Variants in CTNNA3 observed in about 807,000 individuals in gnomAD.
The protein encoded by CTNNA3 is catenin alpha-3.
CTNNA3 carries 76 observed loss-of-function variants against 95.7 expected under a neutral mutation model. The ratio of observed to expected loss-of-function variants is 0.79; its 90% CI spans 0.66 to 0.96. The LOEUF (loss-of-function observed/expected upper bound fraction) is 0.96. Ranked by LOEUF, CTNNA3 falls within the 40% of genes least tolerant of loss-of-function variation. CTNNA3 has a pLI of 0.00. For synonymous variants in CTNNA3, 431 were observed against 374.4 expected (o/e 1.15, Z -1.74); for missense variants, 1,191 against 1,089.8 (o/e 1.09, Z -1.31).
chr10:67,404,217 T>C (rs1295607401), intron 5 of CTNNA3, among the ~76,000 whole-genome samples: 1 of 151,944 alleles, frequency 6.6e-6, no homozygotes, highest in Non-Finnish European at 1.5e-5. Flanking sequence ...GCTGAGATGA[T>C]AGAAATAGGA....
chr10:66,738,629 C>A (rs1278739090), intron 9 of CTNNA3, among the ~76,000 whole-genome samples: 2 of 152,126 alleles, frequency 1.3e-5, no homozygotes, highest in African/African-American at 4.8e-5. Context: ...TCGATTTGAA[C>A]AAGGGGATCT....
chr10:65,950,770 C>T (rs2077596596), intron 17 of CTNNA3, among the ~76,000 whole-genome samples: 1 of 152,142 alleles, frequency 6.6e-6, no homozygotes, highest in African/African-American at 2.4e-5. Context: ...AACTATTTGA[C>T]ATATGAATAA....
intron 7 of CTNNA3, among the ~76,000 whole-genome samples, chr10:66,856,134 G>A (rs1015095881): frequency 6.6e-6 from 1 of 151,814 alleles, no homozygotes; most frequent in African/African-American, 2.4e-5. Context: ...CCGTATGTCT[G>A]TAATGTTTAG....
intron 1 of CTNNA3, chr10:67,750,678 C>T (rs1419367730): frequency 1.4e-5 from 21 of 1,547,190 alleles, no homozygotes; most frequent in South Asian, 7.8e-5. Flanking sequence ...GTAATATGAT[C>T]GGTGGAAAAG....
At chr10:66,459,376 A>G (rs2093513880) in intron 11 of CTNNA3, among the ~76,000 whole-genome samples, 1 of 152,116 alleles carries the variant, frequency 6.6e-6, no homozygotes, top group Non-Finnish European at 1.5e-5. Context: ...CGGGTCAGCA[A>G]TCCTAACCCC....
intron 10 of CTNNA3, among the ~76,000 whole-genome samples, chr10:66,582,947 C>T (rs1475503864): frequency 2.6e-5 from 4 of 151,556 alleles, no homozygotes; most frequent in Non-Finnish European, 4.4e-5. Context: ...CATTTATTCC[C>T]TTGAATTTGT....
chr10:67,614,874 T>C (rs545189376), intron 2 of CTNNA3, among the ~76,000 whole-genome samples: 1 of 152,328 alleles, frequency 6.6e-6, no homozygotes, highest in Non-Finnish European at 1.5e-5. Context: ...GGCTATCAGA[T>C]GGCTGTCCTC....
intron 13 of CTNNA3, among the ~76,000 whole-genome samples, chr10:66,139,201 TA>T (rs1196410016): frequency 6.6e-6 from 1 of 152,198 alleles, no homozygotes; most frequent in African/African-American, 2.4e-5. Context: ...AGGCGAGAAA[TA>T]AAACTATATT....
intron 13 of CTNNA3, among the ~76,000 whole-genome samples, chr10:66,106,552 C>T (rs1249430195): frequency 1.3e-5 from 2 of 151,950 alleles, no homozygotes; most frequent in Non-Finnish European, 2.9e-5. Context: ...GAATAAAATT[C>T]GGATAATAAT....
rs543605609 is a variant in CTNNA3 at position 66,610,645 on chromosome 10, T to G, written c.1374+11047A>C. ...ACAAAAAATAACACTAGCAAGGATGTGGAGAAAGGGGAATGCTCATACATT... is the reference window on the plus strand; with the variant it reads ...ACAAAAAATAACACTAGCAAGGATGGGGAGAAAGGGGAATGCTCATACATT... On this transcript the variant is annotated intron_variant, in intron 10 of 17. Coordinates refer to ENST00000433211, the MANE Select transcript of CTNNA3 (RefSeq NM_013266.4). Among the ~76,000 whole-genome samples the G allele has an allele frequency of 2.6e-5, 4 of 152,244 alleles. No homozygotes were observed. In the East Asian group the frequency reaches 7.7e-4, roughly 29 times the overall value.
At chr10:66,941,490 G>A (rs1347666925) in intron 7 of CTNNA3, among the ~76,000 whole-genome samples, 1 of 152,086 alleles carries the variant, frequency 6.6e-6, no homozygotes, top group African/African-American at 2.4e-5. Flanking sequence ...TTTGAACGCA[G>A]GAATCTTCAC....
chr10:67,039,802 CTTTGT>C, intron 7 of CTNNA3, among the ~76,000 whole-genome samples: 1 of 152,210 alleles, frequency 6.6e-6, no homozygotes, highest in Middle Eastern at 3.4e-3. Flanking sequence ...ATCAGCACTG[CTTTGT>C]TTAAAAGATA....
At chr10:66,428,347 G>A (rs922774408) in intron 11 of CTNNA3, among the ~76,000 whole-genome samples, 1 of 152,104 alleles carries the variant, frequency 6.6e-6, no homozygotes, top group African/African-American at 2.4e-5. Flanking sequence ...AGATCAATGA[G>A]ACAGAAAGTT....
At chr10:67,720,126 C>T (rs1326953133) in intron 1 of CTNNA3, among the ~76,000 whole-genome samples, 20 of 4,426 alleles carry the variant, frequency 4.5e-3, no homozygotes, top group Non-Finnish European at 0.012. Context: ...ATTGCAACCC[C>T]TGCTTTTTTT....
At chr10:66,483,871 GA>G in intron 11 of CTNNA3, among the ~76,000 whole-genome samples, 1 of 151,922 alleles carries the variant, frequency 6.6e-6, no homozygotes, top group Middle Eastern at 3.4e-3. Context: ...CTTAAAAGAA[GA>G]GAAAAAAACT....
chr10:66,206,442 T>C (rs1462832), intron 13 of CTNNA3, among the ~76,000 whole-genome samples: 76,027 of 151,596 alleles, frequency 0.5, 21,295 homozygotes, highest in South Asian at 0.75. Flanking sequence ...AAATAAATTT[T>C]CCAGTGATAA....
At chr10:66,590,522 C>T (rs191502604) in intron 10 of CTNNA3, among the ~76,000 whole-genome samples, 36 of 152,034 alleles carry the variant, frequency 2.4e-4, no homozygotes, top group Admixed American at 1.4e-3. Flanking sequence ...GATTATGATT[C>T]GGTTAAAACA....
At chr10:66,100,137 G>A (rs886782206) in intron 14 of CTNNA3, among the ~76,000 whole-genome samples, 9 of 152,190 alleles carry the variant, frequency 5.9e-5, no homozygotes, top group Admixed American at 2.0e-4. Flanking sequence ...TGGGAAGAAC[G>A]AATCAGGAAA....
At chr10:66,511,143 A>G (rs1255568116) in intron 11 of CTNNA3, among the ~76,000 whole-genome samples, 1 of 151,488 alleles carries the variant, frequency 6.6e-6, no homozygotes, top group Non-Finnish European at 1.5e-5. Context: ...GAATGTATCC[A>G]TTTCCTTTAT....
Sources: allele counts gnomAD v4.1 joint callset (sites outside exome capture counted in the v4.1 genomes callset), GRCh38; gene constraint gnomAD v4.1.1; transcripts MANE v1.5; gene names NCBI Gene and HGNC (gene_info 2026-07-23, HGNC 2026-07-21).